SPOP: variants seen among roughly 807,000 people sequenced by gnomAD.
SPOP encodes the protein speckle-type POZ protein.
In SPOP, 11 loss-of-function variants were observed where a neutral mutation model predicts 45.6. The ratio of observed to expected loss-of-function variants is 0.24; its 90% CI spans 0.15 to 0.40. The LOEUF (loss-of-function observed/expected upper bound fraction) is 0.40. Among genes scored for constraint, SPOP ranks in the 10% least tolerant of loss-of-function variants. The pLI is 1.00. For missense variants in SPOP, 152 were observed against 465.6 expected (o/e 0.33, Z 6.20); for synonymous variants, 166 against 166.3 (o/e 1.00, Z 0.01).
At chr17:49,632,637 C>T (rs2072473058) in intron 1 of SPOP, among the ~76,000 whole-genome samples, 2 of 152,084 alleles carry the variant, frequency 1.3e-5, no homozygotes, top group African/African-American at 4.8e-5. Flanking sequence ...GGATTACAGG[C>T]GCCCACCAAC....
intron 1 of SPOP, among the ~76,000 whole-genome samples, chr17:49,640,927 T>C (rs1880552546): frequency 6.6e-6 from 1 of 152,150 alleles, no homozygotes; most frequent in South Asian, 2.1e-4. Context: ...GCTAAGACTT[T>C]CCTTGTCACC....
At chr17:49,665,605 C>T (rs1039488325) in intron 1 of SPOP, among the ~76,000 whole-genome samples, 3 of 148,268 alleles carry the variant, frequency 2.0e-5, no homozygotes, top group East Asian at 4.0e-4. Flanking sequence ...CAGAACAAGA[C>T]TCTGTCTCAC....
chr17:49,655,294 G>A (rs749124889), intron 1 of SPOP, among the ~76,000 whole-genome samples: 2 of 152,066 alleles, frequency 1.3e-5, no homozygotes, highest in South Asian at 2.1e-4. Context: ...GGTGTATCAC[G>A]AGGTCAGGAG....
At chr17:49,667,597 A>G (rs2073079897) in intron 1 of SPOP, among the ~76,000 whole-genome samples, 1 of 152,224 alleles carries the variant, frequency 6.6e-6, no homozygotes, top group African/African-American at 2.4e-5. Flanking sequence ...TCAACAGGAA[A>G]AAAAGAAAAA....
chr17:49,629,103 G>A (rs536679112), intron 1 of SPOP, among the ~76,000 whole-genome samples: 10 of 151,516 alleles, frequency 6.6e-5, no homozygotes, highest in Non-Finnish European at 1.2e-4. Context: ...TTAGCCGTGC[G>A]TGGTGGCACG....
chr17:49,612,706 C>A (rs552535951), intron 5 of SPOP: 1 of 152,324 alleles, frequency 6.6e-6, no homozygotes, highest in East Asian at 1.9e-4. Flanking sequence ...ATCTGCCTAA[C>A]AATTGTTGTT....
intron 8 of SPOP, among the ~76,000 whole-genome samples, chr17:49,604,636 G>A (rs1031055768): frequency 1.3e-5 from 2 of 152,114 alleles, no homozygotes; most frequent in Admixed American, 1.3e-4. Flanking sequence ...TTCTCACAGG[G>A]TCTACTGCTG....
At chr17:49,611,245 C>A in intron 6 of SPOP, 35 bp downstream of exon 6, 1 of 1,588,130 alleles carries the variant, frequency 6.3e-7, no homozygotes, top group South Asian at 1.1e-5. Context: ...CTTATTTCAC[C>A]AAAACTATAA....
chr17:49,608,226 T>A (rs551382789), intron 6 of SPOP, among the ~76,000 whole-genome samples: 8 of 152,316 alleles, frequency 5.3e-5, no homozygotes, highest in African/African-American at 1.9e-4. Flanking sequence ...TAATGCTATG[T>A]TCTCTGTATA....
At chr17:49,675,358 T>A (rs971015383) in intron 1 of SPOP, among the ~76,000 whole-genome samples, 2 of 152,206 alleles carry the variant, frequency 1.3e-5, no homozygotes, top group African/African-American at 4.8e-5. Flanking sequence ...AAAAGCAAAG[T>A]GCAGAATGAG....
At chr17:49,607,988 T>C in intron 6 of SPOP, 59 bp from the exon 7 acceptor site, 1 of 1,536,196 alleles carries the variant, frequency 6.5e-7, no homozygotes, top group Non-Finnish European at 9.0e-7. Flanking sequence ...TCTTGGTTGT[T>C]GCCAGTCATG....
At chr17:49,675,586 C>A (rs2073188519) in intron 1 of SPOP, among the ~76,000 whole-genome samples, 1 of 152,118 alleles carries the variant, frequency 6.6e-6, no homozygotes, top group African/African-American at 2.4e-5. Context: ...CATGTGTTAA[C>A]CCATTTTAAA....
intron 1 of SPOP, among the ~76,000 whole-genome samples, chr17:49,648,329 T>C (rs879358333): frequency 3.3e-5 from 5 of 152,246 alleles, no homozygotes; most frequent in Non-Finnish European, 5.9e-5. Context: ...CTATAAGAGC[T>C]GGCCCATTAT....
intron 1 of SPOP, among the ~76,000 whole-genome samples, chr17:49,661,842 C>A (rs950128009): frequency 6.6e-6 from 1 of 151,744 alleles, no homozygotes; most frequent in African/African-American, 2.4e-5. Context: ...TGAGAAACCC[C>A]GCCTCTACTA....
chr17:49,649,101 T>A (rs1272994341), intron 1 of SPOP, among the ~76,000 whole-genome samples: 2 of 151,914 alleles, frequency 1.3e-5, no homozygotes, highest in African/African-American at 4.8e-5. Flanking sequence ...TCTTAGAAAA[T>A]TTTCCTATAA....
intron 1 of SPOP, among the ~76,000 whole-genome samples, chr17:49,673,945 G>A (rs544525409): frequency 2.6e-5 from 4 of 151,952 alleles, no homozygotes; most frequent in African/African-American, 7.2e-5. Flanking sequence ...TCAGGAATTC[G>A]AGACCAGCCT....
intron 1 of SPOP, among the ~76,000 whole-genome samples, chr17:49,669,606 A>C (rs1054020303): frequency 6.6e-6 from 1 of 150,522 alleles, no homozygotes; most frequent in Non-Finnish European, 1.5e-5. Context: ...CTCTACTAAA[A>C]ATACAAAAAT....
At position 49,619,682 on chromosome 17, in the gene SPOP, C is replaced by T. The variant is rs1161257268; in HGVS notation, c.201-297G>A. 1.3e-5 allele frequency among the ~76,000 whole-genome samples: 2 copies of T among 152,058 alleles called. No individual in the cohort carries two copies. Among genetic ancestry groups the T allele is most frequent in the Non-Finnish European group, 2.9e-5 (2 of 68,026 alleles). On this transcript the variant is annotated intron_variant, in intron 3 of 9. Coordinates refer to ENST00000504102, the MANE Select transcript of SPOP (RefSeq NM_001007228.2). The surrounding 1 kb of genome is among the most constrained non-coding windows in gnomAD (Gnocchi z 4.9). ...CCGAGTAGCGGGGACTACAGATGTG[C>T]ACCACCATGGCCAGCTAATTTTTGT...
intron 1 of SPOP, among the ~76,000 whole-genome samples, chr17:49,623,990 T>C (rs1349924866): frequency 6.6e-6 from 1 of 152,144 alleles, no homozygotes; most frequent in African/African-American, 2.4e-5. Flanking sequence ...AACTCTCACC[T>C]CTCTCATAAG....
Sources: allele counts gnomAD v4.1 joint callset (sites outside exome capture counted in the v4.1 genomes callset), GRCh38; gene constraint gnomAD v4.1.1; non-coding constraint Gnocchi (gnomAD v3.1); transcripts MANE v1.5; gene names NCBI Gene and HGNC (gene_info 2026-07-23, HGNC 2026-07-21).